The following NAXD variants were observed in gnomAD, a reference collection of about 807,000 sequenced individuals.
NAXD encodes the protein NAD(P)HX dehydratase.
In NAXD, 22 loss-of-function variants were observed where a neutral mutation model predicts 35.8. The observed-to-expected ratio is 0.62, with a 90% CI of 0.44 to 0.88. NAXD has a LOEUF of 0.88. Among genes scored for constraint, NAXD ranks in the 40% least tolerant of loss-of-function variants. The probability of loss-of-function intolerance (pLI) is 0.00; values close to 1 mark genes in which losing one functional copy is unlikely to be tolerated. For synonymous variants in NAXD, 189 were observed against 177.6 expected (o/e 1.06, Z -0.51); for missense variants, 428 against 437.7 (o/e 0.98, Z 0.20).
chr13:110,626,020 A>G (rs1030652505), intron 4 of NAXD, among the ~76,000 whole-genome samples: 1 of 152,130 alleles, frequency 6.6e-6, no homozygotes, highest in African/African-American at 2.4e-5. Flanking sequence ...TCTCCACACC[A>G]GAGAGGAGCC....
At chr13:110,620,357 A>G (rs566464240) in intron 1 of NAXD, among the ~76,000 whole-genome samples, 7 of 151,838 alleles carry the variant, frequency 4.6e-5, no homozygotes, top group African/African-American at 1.7e-4. Flanking sequence ...CGAGGTGGGC[A>G]GATCACAAGG....
rs559028872 is a variant in NAXD at position 110,624,534 on chromosome 13, C to T, written c.243+255C>T. On this transcript the variant is annotated intron_variant, in intron 3 of 9. Transcript: ENST00000680254. The stretch of plus-strand genomic sequence containing the variant: ...AGTGCAATGGCGGGATCTCGGCTCA[C>T]AGCAACCTCCGCCGCCTGGGTTCAA... 2.5e-4 allele frequency among the ~76,000 whole-genome samples: 38 copies of T among 152,294 alleles called. 1 individual carries two copies. The highest frequency in any genetic ancestry group is 8.7e-4 in the African/African-American group (36 of 41,552).
intron 1 of NAXD, chr13:110,615,855 C>T: frequency 8.5e-7 from 1 of 1,180,746 alleles, no homozygotes; most frequent in Non-Finnish European, 1.1e-6. Flanking sequence ...GGCCGGGGCG[C>T]CGTGTGGCCT....
intron 1 of NAXD, 50 bp from the exon 2 acceptor site, chr13:110,622,166 T>C (rs1245747161): frequency 3.3e-6 from 5 of 1,526,484 alleles, no homozygotes; most frequent in Non-Finnish European, 4.4e-6. Flanking sequence ...TTATGTGTAC[T>C]AACAATATCT....
intron 4 of NAXD, among the ~76,000 whole-genome samples, 167 bp from the exon 5 acceptor site, chr13:110,627,272 A>T (rs1282216703): frequency 6.6e-6 from 1 of 152,374 alleles, no homozygotes; most frequent in East Asian, 1.9e-4. Flanking sequence ...CGAAGGGTAC[A>T]TGGGAGCCTT....
At chr13:110,630,153 C>T (rs1441707252) in intron 5 of NAXD, among the ~76,000 whole-genome samples, 1 of 152,136 alleles carries the variant, frequency 6.6e-6, no homozygotes, top group African/African-American at 2.4e-5. Context: ...CCTTGGCCTC[C>T]AAGTAGCTTG....
At chr13:110,623,169 T>C (rs943001816) in intron 2 of NAXD, among the ~76,000 whole-genome samples, 13 of 152,212 alleles carry the variant, frequency 8.5e-5, no homozygotes, top group Non-Finnish European at 5.9e-5. Context: ...TGTTTTCACA[T>C]GATGGAAGAG....
intron 5 of NAXD, among the ~76,000 whole-genome samples, chr13:110,632,843 G>T (rs1458721532): frequency 7.6e-6 from 1 of 131,354 alleles, no homozygotes; most frequent in East Asian, 2.4e-4. Flanking sequence ...AACACAGGGT[G>T]CTGATTGGTG....
At chr13:110,616,095 G>A in intron 1 of NAXD, 1 of 328,782 alleles carries the variant, frequency 3.0e-6, no homozygotes. Flanking sequence ...TGCGCTGGTC[G>A]GATCCGTCTG....
At position 110,638,944 on chromosome 13, in the gene NAXD, CGGCAGGGAGCTG is replaced by C; in HGVS notation, c.*424_*435del. Reference sequence around the variant, plus strand: ...TGCTTCCCTTCCCTAGTCTTTCCTCCGGCAGGGAGCTGGGCAGGGGTCCCCGGGTGTCTCCCT... The same window carrying C: ...TGCTTCCCTTCCCTAGTCTTTCCTCCGGCAGGGGTCCCCGGGTGTCTCCCT... On this transcript the variant is annotated 3_prime_UTR_variant, in exon 10 of 10. Coordinates refer to ENST00000680254, the MANE Select transcript of NAXD (RefSeq NM_001242882.2). The surrounding 1 kb of genome is among the most constrained non-coding windows in gnomAD (Gnocchi z 5.4). 2.8e-6 allele frequency: 1 copy of C among 358,210 alleles called. No homozygotes were observed. Among genetic ancestry groups the C allele is most frequent in the South Asian group, 2.1e-5 (1 of 46,592 alleles). The allele number at this position is 358,210 out of a possible 1,614,324, so 22.2% of individuals were successfully genotyped here.
Position 110,627,973 on chromosome 13 carries a change from A to G in NAXD, c.441+426A>G, listed in dbSNP as rs558539015. On this transcript the variant is annotated intron_variant, in intron 5 of 9. Coordinates refer to ENST00000680254, the MANE Select transcript of NAXD (RefSeq NM_001242882.2). Reference sequence around the variant, plus strand: ...ACAGCCCTGGCGCCATGCTCTGCTGACATCAGGCTGTGAGGTGACACGGGC... The same window carrying G: ...ACAGCCCTGGCGCCATGCTCTGCTGGCATCAGGCTGTGAGGTGACACGGGC... Among the ~76,000 whole-genome samples, 103 of 152,316 alleles carry G rather than the reference A, an allele frequency of 6.8e-4. 2 individuals carry two copies. The highest frequency in any genetic ancestry group is 2.0e-3 in the African/African-American group (84 of 41,564).
At chr13:110,631,382 G>T (rs1019513002) in intron 5 of NAXD, among the ~76,000 whole-genome samples, 2 of 152,100 alleles carry the variant, frequency 1.3e-5, no homozygotes, top group Non-Finnish European at 2.9e-5. Context: ...GCACTCTTTT[G>T]GGTGAAGTTC....
Position 110,634,730 on chromosome 13 carries a change from T to C in NAXD, c.551T>C (p.Val184Ala). ...CTCATCCATGGCTACCGGAAGGCTG[T>C]GCTCACTCCCAACCACGTGGAGTTC... ...PALIHGYRKA[V>A]LTPNHVEFSR... Residue 184 changes from valine (V) to alanine (A), a missense_variant, in exon 7 of 10, where the codon GTG (valine) becomes GCG (alanine). Transcript: ENST00000680254. 11 of 1,614,074 alleles carry C rather than the reference T, an allele frequency of 6.8e-6. No individual in the cohort carries two copies. The highest frequency in any genetic ancestry group is 9.3e-6 in the Non-Finnish European group (11 of 1,179,998).
At position 110,635,601 on chromosome 13, in the gene NAXD, TG is replaced by T. The variant is rs765906870; in HGVS notation, c.718+14del. On this transcript the variant is annotated intron_variant, in intron 8 of 9. Transcript: ENST00000680254. ...AACGGCCAGCAGGGTGAGTGGCGGC[TG>T]CCCTCTGTGCATGGGCCAGTGCCAG... The T allele has an allele frequency of 6.2e-7, 1 of 1,613,238 alleles. No individual in the cohort carries two copies. Among genetic ancestry groups the T allele is most frequent in the Non-Finnish European group, 8.5e-7 (1 of 1,179,804 alleles).
In NAXD at chr13:110,638,913, CT is replaced by C. The variant is rs544657208; in HGVS notation, c.*386del. On this transcript the variant is annotated 3_prime_UTR_variant, in exon 10 of 10. Transcript: ENST00000680254. This position sits in a 1 kb window ranked among gnomAD's most constrained non-coding sequence, Gnocchi z 5.4. ...CTCTCTCTGCCGGCGCCCTTCGTTC[CT>C]CCTCTGCTTCCCTTCCCTAGTCTTT... 0.32 allele frequency: 117,875 copies of C among 369,656 alleles called. 20,152 individuals are homozygous for C. The highest frequency in any genetic ancestry group is 0.47 in the Admixed American group (12,859 of 27,404). 22.9% of individuals were successfully genotyped at this position (369,656 alleles called of 1,614,324 possible). A position where few individuals can be genotyped will look rare whatever the true frequency, so the allele number is the denominator to read the frequency against.
At chr13:110,615,677 GGTCACACGCGCGGGGGCCGGAACTGCC>G (rs1717655330) in intron 1 of NAXD, 30 bp downstream of exon 1, 1 of 1,524,808 alleles carries the variant, frequency 6.6e-7, no homozygotes, top group African/African-American at 1.4e-5. Context: ...GCCCGGGGAT[GGTCACACGCGCGGGGGCCGGAACTGCC>G]GTCGCCGGCG....
In NAXD at chr13:110,638,674, T is replaced by A; in HGVS notation, c.*146T>A. 1.1e-6 allele frequency: 1 copy of A among 928,438 alleles called. No homozygotes were observed. The highest frequency in any genetic ancestry group is 1.7e-6 in the Non-Finnish European group (1 of 587,768). The allele number at this position is 928,438 out of a possible 1,614,324, so 57.5% of individuals were successfully genotyped here. On this transcript the variant is annotated 3_prime_UTR_variant, in exon 10 of 10. Transcript: ENST00000680254. This position sits in a 1 kb window ranked among gnomAD's most constrained non-coding sequence, Gnocchi z 5.4. ...CATAAATTGGTTGCCATTGAGAATT[T>A]AAGAATCTGGAATATTGCAGCTTTT... is the stretch of plus-strand genomic sequence containing the variant.
At chr13:110,634,647 G>A (rs774745230) in intron 6 of NAXD, 25 bp from the exon 7 acceptor site, 2 of 1,613,878 alleles carry the variant, frequency 1.2e-6, no homozygotes, top group Admixed American at 3.3e-5. Context: ...CCTGTGCAGT[G>A]AGCACGGCTC....
At chr13:110,622,590 G>C (rs1056200954) in intron 2 of NAXD, among the ~76,000 whole-genome samples, 2 of 152,162 alleles carry the variant, frequency 1.3e-5, no homozygotes, top group Non-Finnish European at 2.9e-5. Flanking sequence ...GTTAAGTTTT[G>C]TCGTAGTGGG....
Sources: allele counts gnomAD v4.1 joint callset (sites outside exome capture counted in the v4.1 genomes callset), GRCh38; gene constraint gnomAD v4.1.1; non-coding constraint Gnocchi (gnomAD v3.1); transcripts MANE v1.5; gene names NCBI Gene and HGNC (gene_info 2026-07-23, HGNC 2026-07-21).